ZFHX3: variants seen among roughly 807,000 people sequenced by gnomAD.
ZFHX3 encodes the protein zinc finger homeobox 3.
Under a neutral mutation model 279.1 loss-of-function variants are expected in ZFHX3, and 42 were observed. The observed-to-expected ratio is 0.15, with a 90% CI of 0.12 to 0.19. The LOEUF is 0.19. Among genes scored for constraint, ZFHX3 ranks in the 10% least tolerant of loss-of-function variants. The pLI, the probability that ZFHX3 is intolerant of heterozygous loss-of-function variation, is 1.00. For synonymous variants in ZFHX3, 2,293 were observed against 1,957.8 expected, an observed-to-expected ratio of 1.17 and a Z score of -4.52; for missense variants, 4,981 against 4,754.0, an observed-to-expected ratio of 1.05 and a Z score of -1.40.
chr16:73,726,301 A>C (rs2053518045), intron 1 of ZFHX3, among the ~76,000 whole-genome samples: 1 of 152,198 alleles, frequency 6.6e-6, no homozygotes, highest in South Asian at 2.1e-4. Context: ...TACTCATTTT[A>C]AGCATGGCAC....
intron 2 of ZFHX3, among the ~76,000 whole-genome samples, chr16:73,503,788 G>A (rs149150744): frequency 4.3e-4 from 65 of 152,314 alleles, no homozygotes; most frequent in Non-Finnish European, 8.5e-4. Context: ...TCAGACCAAT[G>A]TCAATGGATT....
intron 3 of ZFHX3, among the ~76,000 whole-genome samples, chr16:72,908,101 A>G (rs1369239808): frequency 6.6e-6 from 1 of 152,136 alleles, no homozygotes; most frequent in Non-Finnish European, 1.5e-5. Flanking sequence ...GGCTATGGGC[A>G]CTGCTGCCCT....
chr16:72,947,198 G>C (rs767464224), intron 3 of ZFHX3, among the ~76,000 whole-genome samples: 1 of 152,178 alleles, frequency 6.6e-6, no homozygotes, highest in African/African-American at 2.4e-5. Context: ...CGGATGCCTC[G>C]GGCCCTGCGG....
At chr16:73,389,242 T>G (rs981836307) in intron 3 of ZFHX3, 2 of 152,166 alleles carry the variant, frequency 1.3e-5, no homozygotes, top group African/African-American at 4.8e-5. Flanking sequence ...AAATAAAGTT[T>G]TGCTGGAACA....
intron 2 of ZFHX3, among the ~76,000 whole-genome samples, chr16:73,614,736 G>A (rs2052281774): frequency 6.6e-6 from 1 of 152,004 alleles, no homozygotes; most frequent in Admixed American, 6.6e-5. Flanking sequence ...TGATAAAAAC[G>A]GATCTGAGTA....
chr16:73,093,048 T>C, intron 8 of ZFHX3: 1 of 520,092 alleles, frequency 1.9e-6, no homozygotes. Context: ...AACATCTCTC[T>C]AACATATCCT....
intron 3 of ZFHX3, among the ~76,000 whole-genome samples, chr16:73,442,025 C>G (rs972106540): frequency 1.3e-5 from 2 of 152,186 alleles, no homozygotes; most frequent in East Asian, 1.9e-4. Context: ...CAGGTCTCTC[C>G]CCTTCTCCAG....
At chr16:73,339,773 G>A (rs2015994362) in intron 3 of ZFHX3, among the ~76,000 whole-genome samples, 1 of 152,140 alleles carries the variant, frequency 6.6e-6, no homozygotes, top group Non-Finnish European at 1.5e-5. Flanking sequence ...TAGGACTTTG[G>A]ATATTCCACA....
chr16:73,105,370 CAT>C (rs60785275), intron 7 of ZFHX3, among the ~76,000 whole-genome samples: 3,159 of 111,472 alleles, frequency 0.028, 64 homozygotes, highest in Middle Eastern at 0.044. Context: ...TATATACACA[CAT>C]ATATATATAT....
chr16:73,887,173 A>G (rs1407465968), intron 1 of ZFHX3, among the ~76,000 whole-genome samples: 2 of 152,208 alleles, frequency 1.3e-5, no homozygotes, highest in Non-Finnish European at 2.9e-5. Context: ...GGATTATAAA[A>G]TAAATTAACA....
chr16:73,525,568 C>T (rs1597369646), intron 2 of ZFHX3, among the ~76,000 whole-genome samples: 1 of 152,164 alleles, frequency 6.6e-6, no homozygotes, highest in African/African-American at 2.4e-5. Context: ...GTACAGACAA[C>T]ATGCATCTTG....
chr16:73,320,938 A>C (rs2015562348), intron 3 of ZFHX3, among the ~76,000 whole-genome samples: 1 of 152,236 alleles, frequency 6.6e-6, no homozygotes, highest in Admixed American at 6.5e-5. Context: ...AGATCCTACC[A>C]GCACAGGGCT....
rs1010511118 is a variant in ZFHX3, at chr16:73,034,965, G to A, written c.-50+12787C>T. ...AGTAAATGCAAGCAGCTGGTCACAG[G>A]GGTGATGGCTGACTTGGCTCCATCA... On this transcript the variant is annotated intron_variant, in intron 1 of 9. Transcript: ENST00000268489. 4.6e-5 allele frequency among the ~76,000 whole-genome samples: 7 copies of A among 152,190 alleles called. No homozygotes were observed. The South Asian group carries it at 1.5e-3, about 32-fold the overall frequency.
In ZFHX3 at chr16:72,803,423, G is replaced by A. The variant is rs1302399424; in HGVS notation, c.3865-3294C>T. Among the ~76,000 whole-genome samples, 3 of 152,160 alleles carry A rather than the reference G, an allele frequency of 2.0e-5. No individual in the cohort carries two copies. The South Asian group carries it at 6.2e-4, about 32-fold the overall frequency. ...GGAACACTGAAACATGTAGGTTTAT[G>A]AGAAGACAAAACCTGGTTGTAGCAT... On this transcript the variant is annotated intron_variant, in intron 7 of 9. Transcript: ENST00000268489.
chr16:72,836,705 A>C (rs2143760377), intron 4 of ZFHX3, among the ~76,000 whole-genome samples: 1 of 152,270 alleles, frequency 6.6e-6, no homozygotes, highest in East Asian at 1.9e-4. Flanking sequence ...ACTTCTCAGC[A>C]GAGTATATAC....
At chr16:73,518,755 TTCTGCC>T (rs1302318149) in intron 2 of ZFHX3, among the ~76,000 whole-genome samples, 1 of 152,226 alleles carries the variant, frequency 6.6e-6, no homozygotes, top group South Asian at 2.1e-4. Context: ...TTTTTCCCCG[TTCTGCC>T]GTATTGCCTG....
intron 1 of ZFHX3, among the ~76,000 whole-genome samples, chr16:73,749,086 C>G (rs1426344888): frequency 1.3e-5 from 2 of 152,034 alleles, no homozygotes; most frequent in East Asian, 3.9e-4. Flanking sequence ...CCATGCCCGG[C>G]CCCAAACTCA....
intron 4 of ZFHX3, among the ~76,000 whole-genome samples, chr16:73,288,375 G>A (rs2143089143): frequency 6.6e-6 from 1 of 152,248 alleles, no homozygotes; most frequent in East Asian, 1.9e-4. Flanking sequence ...GCGTAAAAAG[G>A]AAAAAGGAAG....
At chr16:73,023,853 G>A (rs996909332) in intron 1 of ZFHX3, among the ~76,000 whole-genome samples, 1 of 152,202 alleles carries the variant, frequency 6.6e-6, no homozygotes, top group East Asian at 1.9e-4. Context: ...CTCCATCCAC[G>A]GCAACAAAAT....
Sources: gnomAD v4.1 joint callset for allele counts (sites outside exome capture counted in the v4.1 genomes callset) on GRCh38, gnomAD v4.1.1 for gene constraint, MANE v1.5 for transcripts, NCBI Gene and HGNC (gene_info 2026-07-23, HGNC 2026-07-21) for gene names.